PRKDC: variants seen among roughly 807,000 people sequenced by gnomAD.
The protein encoded by PRKDC is DNA-dependent protein kinase catalytic subunit.
Under a neutral mutation model 486.9 loss-of-function variants are expected in PRKDC, and 82 were observed. That is an observed-to-expected ratio of 0.17 (90% CI 0.14 to 0.20). The LOEUF is 0.20. Ranked by LOEUF, PRKDC falls within the 10% of genes least tolerant of loss-of-function variation. The probability of loss-of-function intolerance (pLI) is 1.00; values close to 1 mark genes in which losing one functional copy is unlikely to be tolerated. For synonymous variants in PRKDC, 1,895 were observed against 1,837.0 expected, an observed-to-expected ratio of 1.03 and a Z score of -0.81; for missense variants, 4,504 against 5,038.2, an observed-to-expected ratio of 0.89 and a Z score of 3.21.
chr8:47,943,489 T>A, intron 9 of PRKDC, 123 bp from the exon 10 acceptor site: 3 of 1,008,060 alleles, frequency 3.0e-6, no homozygotes, highest in Non-Finnish European at 2.8e-6. Flanking sequence ...ACCATTACAC[T>A]ACAGTAACCC....
chr8:47,877,845 C>G lies in PRKDC; in HGVS notation c.5242G>C (p.Asp1748His), dbSNP rs780479532. The change falls in exon 40 of 86, where the codon GAT (aspartate) becomes CAT (histidine). Residue 1748 changes from aspartate to histidine, a missense_variant. Physicochemically the swap from Asp to His is moderately conservative, Grantham distance 81 (BLOSUM62 -1). This residue lies in a region of PRKDC where 1,969 missense variants were observed against 2,068.9 expected (regional missense o/e 0.95). Transcript: ENST00000314191. ...NYVDCMKKFL[D>H]ALELSQSPML... ...GGGCTTTGAGATAATTCCAATGCAT[C>G]TAGAAACTAGAAAAAATACATCAAC... 4.7e-6 allele frequency: 7 copies of G among 1,478,576 alleles called. No individual in the cohort carries two copies. The highest frequency in any genetic ancestry group is 6.3e-6 in the Non-Finnish European group (7 of 1,109,276). The allele number at this position is 1,478,576 out of a possible 1,614,324, so 91.6% of individuals were successfully genotyped here. A position where few individuals can be genotyped will look rare whatever the true frequency, so the allele number is the denominator to read the frequency against.
In PRKDC at chr8:47,820,843, C is replaced by T. The variant is rs1447621213; in HGVS notation, c.9212G>A (p.Gly3071Glu). The change falls in exon 66 of 86, where the codon GGG becomes GAG. Residue 3071 changes from glycine (G) to glutamate (E), a missense_variant. Gly to Glu is a moderately conservative substitution (Grantham distance 98). Transcript: ENST00000314191. ...LLTFIDKAMH[G>E]ELQKAILELH... ...CTCTAGAATCGCCTTCTGGAGCTCC[C>T]CGTGCATAGCTTTGTCAATAAATGT... is the stretch of plus-strand genomic sequence containing the variant. 1.2e-6 allele frequency: 2 copies of T among 1,613,044 alleles called. No individual in the cohort carries two copies. Among genetic ancestry groups the T allele is most frequent in the Non-Finnish European group, 1.7e-6 (2 of 1,179,404 alleles).
chr8:47,773,187 A>T lies in PRKDC; in HGVS notation c.*986T>A, dbSNP rs923202322. On this transcript the variant is annotated 3_prime_UTR_variant, in exon 86 of 86. Transcript: ENST00000314191. The stretch of plus-strand genomic sequence containing the variant: ...AGAAGAGCCTCCAAATACAAGTGTT[A>T]GAAGGAAAAAAAAAAACAACAAAAA... 1 of 216,334 alleles carries T rather than the reference A, an allele frequency of 4.6e-6. No homozygotes were observed. Among genetic ancestry groups the T allele is most frequent in the Non-Finnish European group, 9.4e-6 (1 of 106,316 alleles). 13.4% of individuals were successfully genotyped at this position (216,334 alleles called of 1,614,324 possible). A position where few individuals can be genotyped will look rare whatever the true frequency, so the allele number is the denominator to read the frequency against.
chr8:47,904,910 A>G lies in PRKDC; in HGVS notation c.3001T>C (p.Phe1001Leu), dbSNP rs1563796101. ...AAGGCAACAGTATCCTGACTTTCAA[A>G]TTTCTTGTTGTTAGTGAACCAGTGA... ...LIHWFTNNKK[F>L]ESQDTVALLE... is the part of the protein sequence containing the mutation. Residue 1001 changes from phenylalanine to leucine, a missense_variant, in exon 26 of 86, where the codon TTT (phenylalanine) becomes CTT (leucine). This residue lies in a region of PRKDC where 1,969 missense variants were observed against 2,068.9 expected (regional missense o/e 0.95). Coordinates refer to ENST00000314191, the MANE Select transcript of PRKDC (RefSeq NM_006904.7). 6.2e-7 allele frequency: 1 copy of G among 1,613,682 alleles called. No individual in the cohort carries two copies. Among genetic ancestry groups the G allele is most frequent in the Admixed American group, 1.7e-5 (1 of 59,992 alleles).
At chr8:47,807,106 C>T in intron 69 of PRKDC, 31 bp downstream of exon 69, 1 of 1,586,848 alleles carries the variant, frequency 6.3e-7, no homozygotes. Context: ...AATCCTGTGA[C>T]ACAGCAGGGA....
chr8:47,891,517 G>A (rs943642065), intron 31 of PRKDC, among the ~76,000 whole-genome samples: 2 of 151,938 alleles, frequency 1.3e-5, no homozygotes, highest in Non-Finnish European at 2.9e-5. Flanking sequence ...TCAGGAGATC[G>A]AGACCATCCT....
chr8:47,936,475 C>T lies in PRKDC; in HGVS notation c.1156G>A (p.Val386Ile), dbSNP rs1348156796. Residue 386 changes from valine (V) to isoleucine (I), a missense_variant, in exon 12 of 86, where the codon GTT becomes ATT. Physicochemically the swap from Val to Ile is conservative, Grantham distance 29. This residue lies in a region of PRKDC where 1,969 missense variants were observed against 2,068.9 expected (regional missense o/e 0.95). Coordinates refer to ENST00000314191, the MANE Select transcript of PRKDC (RefSeq NM_006904.7). ...INAKDVDFMY[V>I]ELIQRCKQMF... ...TGCTTGCAGCGCTGAATGAGCTCAA[C>T]GTACATGAAGTCAACATCTTTTGCG... 4 of 1,613,972 alleles carry T rather than the reference C, an allele frequency of 2.5e-6. No individual in the cohort carries two copies. The highest frequency in any genetic ancestry group is 1.3e-5 in the African/African-American group (1 of 75,034).
intron 85 of PRKDC, among the ~76,000 whole-genome samples, chr8:47,775,587 G>GT (rs971245212): frequency 6.6e-6 from 1 of 151,416 alleles, no homozygotes; most frequent in Admixed American, 6.6e-5. Context: ...GGCAATAAGA[G>GT]TTTTTTTAAT....
intron 80 of PRKDC, among the ~76,000 whole-genome samples, chr8:47,779,514 T>C (rs1053116377): frequency 1.3e-5 from 2 of 152,218 alleles, no homozygotes; most frequent in Admixed American, 6.5e-5. Flanking sequence ...GTCACTACCA[T>C]AGCCAAAAAG....
intron 52 of PRKDC, among the ~76,000 whole-genome samples, chr8:47,851,839 CCAGA>C (rs2088413202): frequency 6.6e-6 from 1 of 152,128 alleles, no homozygotes; most frequent in Admixed American, 6.5e-5. Context: ...GCTGGGCCAC[CCAGA>C]CAGGCTCTGC....
intron 36 of PRKDC, among the ~76,000 whole-genome samples, chr8:47,882,330 G>A (rs1010576246): frequency 1.3e-5 from 2 of 152,142 alleles, no homozygotes; most frequent in Non-Finnish European, 2.9e-5. Context: ...AGCTTCTCCT[G>A]GCTTTCCTAG....
At chr8:47,882,600 A>C (rs564380064) in intron 36 of PRKDC, among the ~76,000 whole-genome samples, 46 of 152,314 alleles carry the variant, frequency 3.0e-4, no homozygotes, top group Non-Finnish European at 4.9e-4. Flanking sequence ...ACACAGGTGT[A>C]CACACACAAG....
At position 47,837,392 on chromosome 8, in the gene PRKDC, A is replaced by G. The variant is rs572996196; in HGVS notation, c.7581T>C (p.His2527=). The G allele has an allele frequency of 2.9e-5, 46 of 1,610,804 alleles. No homozygotes were observed. Among genetic ancestry groups the G allele is most frequent in the Admixed American group, 2.3e-4 (14 of 59,974 alleles). The change falls in exon 57 of 86, where the codon CAT becomes CAC. Residue 2527 remains histidine (H), a synonymous_variant. Transcript: ENST00000314191. ...LQLIIRNFWS[H]ETRLPSNTLD... is the part of the protein sequence containing the mutation. ...AGGTATTTGAAGGTAACCTAGTTTCATGGCTCCAGAAATTTCGAATAATTA... is the reference window on the plus strand; with the variant it reads ...AGGTATTTGAAGGTAACCTAGTTTCGTGGCTCCAGAAATTTCGAATAATTA...
intron 53 of PRKDC, 34 bp from the exon 54 acceptor site, chr8:47,849,337 G>T (rs966551281): frequency 6.2e-7 from 1 of 1,613,738 alleles, no homozygotes; most frequent in South Asian, 1.1e-5. Flanking sequence ...GAGGAGGGCC[G>T]AGGACCCTCC....
rs780576418 is a variant in PRKDC at position 47,821,563 on chromosome 8, C to T, written c.9111+41G>A. 6 of 1,534,846 alleles carry T rather than the reference C, an allele frequency of 3.9e-6. No homozygotes were observed. In the South Asian group the frequency reaches 4.8e-5, roughly 12 times the overall value. On this transcript the variant is annotated intron_variant, in intron 65 of 85. Transcript: ENST00000314191. ...ATTTTGTTAAGTAGAAAACACCTAT[C>T]TAAAATAATTATTTCAATCACTTAA...
At chr8:47,907,320 G>A (rs530482452) in intron 25 of PRKDC, among the ~76,000 whole-genome samples, 13 of 148,042 alleles carry the variant, frequency 8.8e-5, no homozygotes, top group African/African-American at 2.4e-4. Flanking sequence ...GATTACAGGC[G>A]TGAGCCACCG....
intron 30 of PRKDC, among the ~76,000 whole-genome samples, chr8:47,896,385 C>T (rs1373545179): frequency 3.3e-5 from 5 of 152,100 alleles, no homozygotes; most frequent in East Asian, 1.9e-4. Flanking sequence ...CAGTGGCTGA[C>T]GCCTGTAATC....
chr8:47,929,305 G>A (rs1383014780), intron 18 of PRKDC, 127 bp from the exon 19 acceptor site: 1 of 691,382 alleles, frequency 1.4e-6, no homozygotes, highest in African/African-American at 1.8e-5. Context: ...AATGAAGACA[G>A]GAGGCAGAAT....
At chr8:47,827,606 C>G (rs1225054246) in intron 62 of PRKDC, among the ~76,000 whole-genome samples, 1 of 152,218 alleles carries the variant, frequency 6.6e-6, no homozygotes, top group Non-Finnish European at 1.5e-5. Context: ...ACCTGCTTAC[C>G]TGCTTCATTA....
Sources: allele counts gnomAD v4.1 joint callset (sites outside exome capture counted in the v4.1 genomes callset), GRCh38; gene constraint gnomAD v4.1.1; regional missense constraint gnomAD v4.1.1; transcripts MANE v1.5; gene names NCBI Gene and HGNC (gene_info 2026-07-23, HGNC 2026-07-21).